Variants in PRKACB observed in about 807,000 individuals in gnomAD.
PRKACB encodes the protein cAMP-dependent protein kinase catalytic subunit beta.
A neutral mutation model predicts 51.4 loss-of-function variants in PRKACB; 16 were observed. The observed-to-expected ratio is 0.31, with a 90% CI of 0.21 to 0.47. The LOEUF (loss-of-function observed/expected upper bound fraction) is 0.47, where lower values mean the gene tolerates loss of function less well. PRKACB is among the 20% of genes least tolerant of loss of function. The pLI is 1.00. For synonymous variants in PRKACB, 147 were observed against 154.4 expected (o/e 0.95, Z 0.35); for missense variants, 309 against 464.5 (o/e 0.67, Z 3.08).
intron 9 of PRKACB, among the ~76,000 whole-genome samples, chr1:84,234,168 T>C (rs1371840123): frequency 2.3e-4 from 35 of 152,024 alleles, no homozygotes; most frequent in South Asian, 2.1e-4. Context: ...TTGGAGTACC[T>C]GGCCCTATGA....
chr1:84,194,405 G>C (rs1210619195), intron 5 of PRKACB, among the ~76,000 whole-genome samples: 1 of 152,238 alleles, frequency 6.6e-6, no homozygotes, highest in South Asian at 2.1e-4. Flanking sequence ...ACAATTGCCA[G>C]TGTCCATCTT....
intron 9 of PRKACB, among the ~76,000 whole-genome samples, chr1:84,214,532 G>A (rs992867264): frequency 1.1e-4 from 16 of 141,442 alleles, no homozygotes; most frequent in African/African-American, 3.2e-4. Flanking sequence ...TCACTCTGTA[G>A]TCCACGCTGG....
At chr1:84,154,964 A>G (rs550902001) in intron 1 of PRKACB, among the ~76,000 whole-genome samples, 123 of 152,128 alleles carry the variant, frequency 8.1e-4, no homozygotes, top group Non-Finnish European at 1.0e-3. Context: ...CTGTAAGATC[A>G]TGAACAAGGG....
intron 9 of PRKACB, among the ~76,000 whole-genome samples, chr1:84,231,779 AT>A (rs1161944036): frequency 1.3e-5 from 2 of 151,918 alleles, no homozygotes. Flanking sequence ...CCCCTTTATC[AT>A]TTTTTATTGC....
In PRKACB at chr1:84,137,996, A is replaced by G. The variant is rs148370385; in HGVS notation, c.47-41181A>G. On this transcript the variant is annotated intron_variant, in intron 1 of 8. Coordinates refer to the PRKACB transcript ENST00000370688. ...AATAGGCAAATGTTAGTATACACGT[A>G]TATTTCCTTGCTCTCAGAAAAGAGG... Among the ~76,000 whole-genome samples the G allele has an allele frequency of 2.4e-4, 37 of 152,324 alleles. No individual in the cohort carries two copies. In the East Asian group the frequency reaches 7.2e-3, roughly 29 times the overall value.
intron 7 of PRKACB, among the ~76,000 whole-genome samples, chr1:84,199,061 G>A (rs1361278758): frequency 1.0e-4 from 5 of 48,926 alleles, no homozygotes; most frequent in Non-Finnish European, 3.1e-4. Flanking sequence ...ATATATATGC[G>A]TATATATGCA....
exon 1 of PRKACB, chr1:84,078,203 A>G: frequency 8.8e-7 from 1 of 1,131,406 alleles, no homozygotes; most frequent in South Asian, 1.7e-5. Flanking sequence ...TCCTGGCGCC[A>G]GCGCTAGGCG....
chr1:84,146,266 A>G (rs1426253049), intron 1 of PRKACB, among the ~76,000 whole-genome samples: 3 of 152,040 alleles, frequency 2.0e-5, no homozygotes, highest in African/African-American at 2.4e-5. Context: ...GAGTAACTGA[A>G]TGTTCATTAA....
chr1:84,164,226 A>G, intron 1 of PRKACB: 1 of 1,413,438 alleles, frequency 7.1e-7, no homozygotes, highest in Non-Finnish European at 9.3e-7. Context: ...GCTGCAGTAT[A>G]GCTTTCTGGC....
rs749068547 is a variant in PRKACB, at chr1:84,164,936, G to C, written c.188-14241G>C. 1.4e-4 allele frequency: 210 copies of C among 1,530,320 alleles called. 1 individual carries two copies. In the Middle Eastern group the frequency reaches 1.5e-3, roughly 11 times the overall value. 94.8% of individuals were successfully genotyped at this position (1,530,320 alleles called of 1,614,324 possible). A position where few individuals can be genotyped will look rare whatever the true frequency, so the allele number is the denominator to read the frequency against. On this transcript the variant is annotated intron_variant, in intron 1 of 9. Coordinates refer to ENST00000370685, the MANE Select transcript of PRKACB (RefSeq NM_182948.4). The stretch of plus-strand genomic sequence containing the variant: ...CACCATCGGTTCTTCTCCCTCTAGA[G>C]ATTAGCATAACTCCCTTTGCTGTTG...
In PRKACB at chr1:84,235,842, T is replaced by C. The variant is rs1175354277; in HGVS notation, c.*537T>C. On this transcript the variant is annotated 3_prime_UTR_variant, in exon 10 of 10. Transcript: ENST00000370685. ...ACTGTCTTATCACCAAGGAAATTTA[T>C]ACAAATTAAGACTAACTTTCTTGGA... is the stretch of plus-strand genomic sequence containing the variant. The C allele has an allele frequency of 6.5e-6, 1 of 152,988 alleles. No individual in the cohort carries two copies. Among genetic ancestry groups the C allele is most frequent in the Non-Finnish European group, 1.5e-5 (1 of 68,292 alleles). 9.5% of individuals were successfully genotyped at this position (152,988 alleles called of 1,614,324 possible). A position where few individuals can be genotyped will look rare whatever the true frequency, so the allele number is the denominator to read the frequency against.
At chr1:84,180,692 TA>T (rs1378425616) in intron 2 of PRKACB, among the ~76,000 whole-genome samples, 25 of 152,218 alleles carry the variant, frequency 1.6e-4, no homozygotes, top group African/African-American at 6.0e-4. Context: ...AAATGTTTCT[TA>T]AAGATGCCAT....
intron 1 of PRKACB, chr1:84,085,892 C>T (rs1295890298): frequency 1.6e-6 from 1 of 637,594 alleles, no homozygotes; most frequent in Non-Finnish European, 2.9e-6. Flanking sequence ...TCAGCCCAGA[C>T]CATATACACC....
intron 1 of PRKACB, among the ~76,000 whole-genome samples, chr1:84,121,508 C>T (rs983409199): frequency 1.3e-5 from 2 of 152,138 alleles, no homozygotes; most frequent in African/African-American, 4.8e-5. Context: ...TACCCCTAAA[C>T]TTTCCCTTAT....
At chr1:84,152,709 T>C (rs1654992252) in intron 1 of PRKACB, among the ~76,000 whole-genome samples, 1 of 152,206 alleles carries the variant, frequency 6.6e-6, no homozygotes, top group African/African-American at 2.4e-5. Flanking sequence ...TTGAAGAGTG[T>C]CAAGGCCTTG....
chr1:84,136,490 C>CCA (rs60681226), intron 1 of PRKACB, among the ~76,000 whole-genome samples: 8,196 of 146,690 alleles, frequency 0.056, 280 homozygotes, highest in Middle Eastern at 0.14. Flanking sequence ...ACGGCCAAAA[C>CCA]CACACACACA....
rs1310665001 is a variant in PRKACB, at chr1:84,147,970, G to A, written c.187+3422G>A. ...ATATAATGCAACCTTTGTTAAAAGA[G>A]CCTAAAGATTTTAACTAGCATAATA... On this transcript the variant is annotated intron_variant, in intron 1 of 9. Transcript: ENST00000370685. Among the ~76,000 whole-genome samples the A allele has an allele frequency of 2.6e-5, 4 of 152,234 alleles. No homozygotes were observed. In the South Asian group the frequency reaches 6.2e-4, roughly 24 times the overall value.
intron 1 of PRKACB, among the ~76,000 whole-genome samples, chr1:84,132,233 T>G (rs1422734551): frequency 1.3e-5 from 2 of 152,078 alleles, no homozygotes; most frequent in African/African-American, 4.8e-5. Context: ...CCAACAGAGC[T>G]CTGGTATAAT....
At chr1:84,145,509 A>G (rs1653936244) in intron 1 of PRKACB, among the ~76,000 whole-genome samples, 1 of 152,006 alleles carries the variant, frequency 6.6e-6, no homozygotes, top group South Asian at 2.1e-4. Context: ...TACAAAATTT[A>G]CTCCTAGGTT....
Sources: gnomAD v4.1 joint callset for allele counts (sites outside exome capture counted in the v4.1 genomes callset) on GRCh38, gnomAD v4.1.1 for gene constraint, MANE v1.5 for transcripts, NCBI Gene and HGNC (gene_info 2026-07-23, HGNC 2026-07-21) for gene names.